The following PRAMEF27 variants were observed in gnomAD, a reference collection of about 807,000 sequenced individuals.
The protein encoded by PRAMEF27 is PRAME family member 27.
In PRAMEF27, 5 loss-of-function variants were observed where a neutral mutation model predicts 21.0. The observed-to-expected ratio is 0.24, with a 90% CI of 0.12 to 0.50. The LOEUF (loss-of-function observed/expected upper bound fraction) is 0.50. Ranked by LOEUF, PRAMEF27 falls within the 20% of genes least tolerant of loss-of-function variation. The probability of loss-of-function intolerance (pLI) is 0.98; values close to 1 mark genes in which losing one functional copy is unlikely to be tolerated. For missense variants in PRAMEF27, 138 were observed against 541.4 expected (o/e 0.25, Z 7.39); for synonymous variants, 61 against 211.2 (o/e 0.29, Z 6.17).
chr1:13,053,623 C>G lies in PRAMEF27; in HGVS notation c.37G>C (p.Glu13Gln). ...MSIRTPPRLL[E>Q]LAGRSLLRDQ... ...CTCAGCAGGCTCCGCCCCGCAAGCTCCAGGAGTCTGGGTGGAGTCCGGATG... is the reference window on the plus strand; with the variant it reads ...CTCAGCAGGCTCCGCCCCGCAAGCTGCAGGAGTCTGGGTGGAGTCCGGATG... Residue 13 changes from glutamate to glutamine, a missense_variant, in exon 2 of 4, where the codon GAG becomes CAG. Glu to Gln is a conservative substitution (Grantham distance 29). Transcript: ENST00000436041. 3.1e-6 allele frequency: 5 copies of G among 1,596,686 alleles called. 1 individual carries two copies. Among genetic ancestry groups the G allele is most frequent in the South Asian group, 2.2e-5 (2 of 90,406 alleles).
rs1642223933 is a variant in PRAMEF27, at chr1:13,053,377, C to T, written c.283G>A (p.Val95Ile). 3.4e-6 allele frequency: 5 copies of T among 1,483,270 alleles called. No homozygotes were observed. The highest frequency in any genetic ancestry group is 2.4e-5 in the East Asian group (1 of 41,162). 91.9% of individuals were successfully genotyped at this position (1,483,270 alleles called of 1,614,324 possible). A position where few individuals can be genotyped will look rare whatever the true frequency, so the allele number is the denominator to read the frequency against. ...CCTGGGCCACCTCACCTGGGACAAA[C>T]CCCTTGGGTAAGCAGTGCATCAAGC... ...DGLDALLTQG[V>I]CPRRWKLQVL... The change falls in exon 2 of 4, where the codon GTT (valine) becomes ATT (isoleucine). Residue 95 changes from valine (V) to isoleucine (I), a missense_variant. Coordinates refer to ENST00000436041, the MANE Select transcript of PRAMEF27 (RefSeq NM_001300891.2).
chr1:13,055,616 A>T (rs1393505273), intron 1 of PRAMEF27: 4 of 150,686 alleles, frequency 2.7e-5, no homozygotes, highest in Admixed American at 6.6e-5. Context: ...AAGGTCAAAG[A>T]TCCTTTTTGA....
chr1:13,051,881 G>C, intron 3 of PRAMEF27: 1 of 560,116 alleles, frequency 1.8e-6, no homozygotes, highest in South Asian at 2.4e-5. Flanking sequence ...CCAGTAGCTA[G>C]CTTCCTAGTA....
In PRAMEF27 at chr1:13,053,510, G is replaced by A; in HGVS notation, c.150C>T (p.Cys50=). The A allele has an allele frequency of 3.4e-6, 5 of 1,475,050 alleles. 1 individual carries two copies. Among genetic ancestry groups the A allele is most frequent in the Middle Eastern group, 1.9e-4 (1 of 5,346 alleles). The allele number at this position is 1,475,050 out of a possible 1,614,324, so 91.4% of individuals were successfully genotyped here. Residue 50 remains cysteine, a synonymous_variant, in exon 2 of 4, where the codon TGC becomes TGT. Coordinates refer to ENST00000436041, the MANE Select transcript of PRAMEF27 (RefSeq NM_001300891.2). ...PLFMEAFSRR[C]CEALKLMVQA... ...GCACCATCAGCTTCAGGGCCTCACA[G>A]CATCTCCTGCTGAAGGCCTCCATGA...
chr1:13,053,402 C>G lies in PRAMEF27; in HGVS notation c.258G>C (p.Gly86=). ...CLEAFQAVLD[G]LDALLTQGVC... is the part of the protein sequence containing the mutation. ...CCCCTTGGGTAAGCAGTGCATCAAG[C>G]CCATCGAGCACAGCTTGGAAGGCCT... The change falls in exon 2 of 4, where the codon GGG becomes GGC. Residue 86 remains glycine (G), a synonymous_variant. Transcript: ENST00000436041. 4 of 1,492,430 alleles carry G rather than the reference C, an allele frequency of 2.7e-6. 1 individual carries two copies. Among genetic ancestry groups the G allele is most frequent in the Non-Finnish European group, 3.5e-6 (4 of 1,127,570 alleles). 92.4% of individuals were successfully genotyped at this position (1,492,430 alleles called of 1,614,324 possible). A position where few individuals can be genotyped will look rare whatever the true frequency, so the allele number is the denominator to read the frequency against.
rs1642247923 is a variant in PRAMEF27 at position 13,056,459 on chromosome 1, C to G, written c.-62G>C. 2.3e-5 allele frequency: 3 copies of G among 128,940 alleles called. No individual in the cohort carries two copies. The highest frequency in any genetic ancestry group is 2.1e-4 in the Admixed American group (3 of 14,130). The allele number at this position is 128,940 out of a possible 1,614,324, so 8.0% of individuals were successfully genotyped here. A position where few individuals can be genotyped will look rare whatever the true frequency, so the allele number is the denominator to read the frequency against. On this transcript the variant is annotated 5_prime_UTR_variant, in exon 1 of 4. Coordinates refer to ENST00000436041, the MANE Select transcript of PRAMEF27 (RefSeq NM_001300891.2). ...AAGGTGCTCAGACCTCAGGAAGAAC[C>G]AGGCAGGAACTCCAGGCTTGAAGAC...
chr1:13,053,797 A>G lies in PRAMEF27; in HGVS notation c.-16-122T>C, dbSNP rs1375300417. 5.3e-5 allele frequency: 69 copies of G among 1,300,236 alleles called. 15 individuals carry two copies. The highest frequency in any genetic ancestry group is 2.8e-4 in the Middle Eastern group (1 of 3,554). The allele number at this position is 1,300,236 out of a possible 1,614,324, so 80.5% of individuals were successfully genotyped here. On this transcript the variant is annotated intron_variant, in intron 1 of 3. Transcript: ENST00000436041. ...GTGAAACAGCCCTCAGTTTACTCCA[A>G]TTCTGCCCTGTACTCAGTGGCCATT...
chr1:13,055,607 A>C (rs1485104428), intron 1 of PRAMEF27: 5 of 150,568 alleles, frequency 3.3e-5, no homozygotes, highest in South Asian at 4.2e-4. Flanking sequence ...TTTAAAATTA[A>C]GGTCAAAGAT....
At chr1:13,055,650 CAG>C in intron 1 of PRAMEF27, 1 of 151,150 alleles carries the variant, frequency 6.6e-6, no homozygotes, top group East Asian at 1.9e-4. Context: ...TGTTTTTGGA[CAG>C]AGTGTCTCTC....
Position 13,053,414 on chromosome 1 carries a change from A to G in PRAMEF27, c.246T>C (p.Ala82=), listed in dbSNP as rs1209627852. Residue 82 remains alanine (A), a synonymous_variant, in exon 2 of 4, where the codon GCT becomes GCC. Transcript: ENST00000436041. The part of the protein sequence containing the change: ...IKMPCLEAFQ[A]VLDGLDALLT... ...GCAGTGCATCAAGCCCATCGAGCAC[A>G]GCTTGGAAGGCCTCCAGACAAGGCA... 8.6e-6 allele frequency: 13 copies of G among 1,503,242 alleles called. 2 individuals are homozygous for G. The highest frequency in any genetic ancestry group is 1.1e-5 in the Non-Finnish European group (13 of 1,134,890). 93.1% of individuals were successfully genotyped at this position (1,503,242 alleles called of 1,614,324 possible).
At chr1:13,055,806 C>G (rs1255848918) in intron 1 of PRAMEF27, 4 of 138,148 alleles carry the variant, frequency 2.9e-5, no homozygotes, top group Non-Finnish European at 6.0e-5. Flanking sequence ...AATCCCAGCA[C>G]TTTGGGAGGC....
At position 13,053,545 on chromosome 1, in the gene PRAMEF27, G is replaced by T; in HGVS notation, c.115C>A (p.Pro39Thr). Residue 39 changes from proline to threonine, a missense_variant, in exon 2 of 4, where the codon CCC (proline) becomes ACC (threonine). Physicochemically the swap from Pro to Thr is conservative, Grantham distance 38 (BLOSUM62 -1). Transcript: ENST00000436041. The part of the protein sequence containing the change: ...TLEELPTELF[P>T]PLFMEAFSRR... ...CTGAAGGCCTCCATGAACAGTGGGG[G>T]GAAAAGTTCTGTGGGCAGCTCCTCC... is the stretch of plus-strand genomic sequence containing the variant. 1 of 1,534,392 alleles carries T rather than the reference G, an allele frequency of 6.5e-7. No homozygotes were observed. The highest frequency in any genetic ancestry group is 1.2e-5 in the South Asian group (1 of 85,628).
chr1:13,050,122 C>A lies in PRAMEF27; in HGVS notation c.1123G>T (p.Ala375Ser). 1 of 1,410,146 alleles carries A rather than the reference C, an allele frequency of 7.1e-7. No individual in the cohort carries two copies. Among genetic ancestry groups the A allele is most frequent in the Non-Finnish European group, 9.4e-7 (1 of 1,060,908 alleles). The allele number at this position is 1,410,146 out of a possible 1,614,324, so 87.4% of individuals were successfully genotyped here. ...TTGAGCTCAAAGCAGCGGCTCAGGG[C>A]AGGCAGGATGGCGTTGACTTGGGAG... ...IDSQVNAILPALSRCFELNAF... is the reference protein window; with the variant it reads ...IDSQVNAILPSLSRCFELNAF... The change falls in exon 4 of 4, where the codon GCC becomes TCC. Residue 375 changes from alanine to serine, a missense_variant. Ala to Ser is a moderately conservative substitution (Grantham distance 99). Transcript: ENST00000436041.
chr1:13,055,550 A>AC (rs1353997425), intron 1 of PRAMEF27: 159 of 141,388 alleles, frequency 1.1e-3, no homozygotes, highest in African/African-American at 4.2e-3. Context: ...ACAGGCAGGC[A>AC]CCCCCCACAG....
chr1:13,055,688 T>C (rs1211784708), intron 1 of PRAMEF27: 2 of 149,774 alleles, frequency 1.3e-5, no homozygotes, highest in Admixed American at 6.6e-5. Flanking sequence ...AGTACAGCAG[T>C]GGTGTGAGCA....
At chr1:13,053,856 A>C in intron 1 of PRAMEF27, 181 bp from the exon 2 acceptor site, 1 of 895,618 alleles carries the variant, frequency 1.1e-6, no homozygotes, top group Non-Finnish European at 1.5e-6. Context: ...CATCAGCATG[A>C]GCGTCTCCGA....
intron 1 of PRAMEF27, chr1:13,056,019 G>C (rs1165363610): frequency 8.4e-6 from 1 of 119,402 alleles, no homozygotes; most frequent in Non-Finnish European, 1.6e-5. Context: ...TCGTGCCACT[G>C]CACTCCAGTC....
rs1174089374 is a variant in PRAMEF27 at position 13,050,011 on chromosome 1, C to G, written c.1234G>C (p.Val412Leu). The G allele has an allele frequency of 1.3e-3, 1,853 of 1,410,028 alleles. 202 individuals carry two copies. Among genetic ancestry groups the G allele is most frequent in the Non-Finnish European group, 1.4e-3 (1,465 of 1,061,432 alleles). 87.3% of individuals were successfully genotyped at this position (1,410,028 alleles called of 1,614,324 possible). A position where few individuals can be genotyped will look rare whatever the true frequency, so the allele number is the denominator to read the frequency against. Reference protein sequence around the residue: ...SHTIILKNLCVEVYPAPRESY... With the variant: ...SHTIILKNLCLEVYPAPRESY... ...TCCCGCGGGGCAGGATACACCTCCA[C>G]GCATAAGTTTTTGAGTATGATTGTG... Residue 412 changes from valine (V) to leucine (L), a missense_variant, in exon 4 of 4, where the codon GTG becomes CTG. Coordinates refer to ENST00000436041, the MANE Select transcript of PRAMEF27 (RefSeq NM_001300891.2).
At position 13,052,338 on chromosome 1, in the gene PRAMEF27, C is replaced by CTT; in HGVS notation, c.654_655insAA (p.Val219LysfsTer6). The CTT allele has an allele frequency of 1.4e-6, 2 of 1,441,104 alleles. No homozygotes were observed. The highest frequency in any genetic ancestry group is 1.3e-5 in the South Asian group (1 of 76,160). 89.3% of individuals were successfully genotyped at this position (1,441,104 alleles called of 1,614,324 possible). On this transcript the variant is annotated frameshift_variant, in exon 3 of 4. Coordinates refer to ENST00000436041, the MANE Select transcript of PRAMEF27 (RefSeq NM_001300891.2). LOFTEE classifies it high-confidence loss of function. ...GTAAACTGTGTCAGGATGGGCAGTACCCACTTGCAATTCACTTCCACCTCC... is the reference window on the plus strand; with the variant it reads ...GTAAACTGTGTCAGGATGGGCAGTACTTCCACTTGCAATTCACTTCCACCTCC...
Sources: gnomAD v4.1 joint callset for allele counts on GRCh38, gnomAD v4.1.1 for gene constraint, MANE v1.5 for transcripts, NCBI Gene and HGNC (gene_info 2026-07-23, HGNC 2026-07-21) for gene names.